TEX36: variants seen among roughly 807,000 people sequenced by gnomAD.
The protein encoded by TEX36 is testis-expressed protein 36.
A neutral mutation model predicts 13.6 loss-of-function variants in TEX36; 12 were observed. That is an observed-to-expected ratio of 0.88 (90% CI 0.56 to 1.43). The LOEUF (loss-of-function observed/expected upper bound fraction) is 1.43, where lower values mean the gene tolerates loss of function less well. Among genes scored for constraint, TEX36 ranks in the 40% most tolerant of loss-of-function variants. The pLI is 0.00. For missense variants in TEX36, 224 were observed against 228.3 expected, an observed-to-expected ratio of 0.98 and a Z score of 0.12; for synonymous variants, 93 against 83.0, an observed-to-expected ratio of 1.12 and a Z score of -0.65.
At position 125,601,624 on chromosome 10, in the gene TEX36, G is replaced by A. The variant is rs117750661; in HGVS notation, c.265-24750C>T. ...GCCAGCTTGGTTTAGAAAGTTTGGGGAGAAGATGGTGCACACTGCTTCCAG... is the reference window on the plus strand; with the variant it reads ...GCCAGCTTGGTTTAGAAAGTTTGGGAAGAAGATGGTGCACACTGCTTCCAG... On this transcript the variant is annotated intron_variant, in intron 3 of 3. Coordinates refer to the TEX36 transcript ENST00000532135. Among the ~76,000 whole-genome samples, 193 of 152,372 alleles carry A rather than the reference G, an allele frequency of 1.3e-3. 2 individuals are homozygous for A. The East Asian group carries it at 0.034, about 27-fold the overall frequency.
At chr10:125,648,232 C>T (rs1345625052) in intron 3 of TEX36, among the ~76,000 whole-genome samples, 1 of 152,206 alleles carries the variant, frequency 6.6e-6, no homozygotes, top group Non-Finnish European at 1.5e-5. Flanking sequence ...CCCTGAGTAG[C>T]CTCACTGGGA....
chr10:125,638,592 CA>C (rs966833045), intron 3 of TEX36, among the ~76,000 whole-genome samples: 7 of 151,866 alleles, frequency 4.6e-5, no homozygotes, highest in African/African-American at 9.7e-5. Context: ...AACAAACAAA[CA>C]AAAAAAAATT....
intron 1 of TEX36, among the ~76,000 whole-genome samples, chr10:125,682,210 G>T (rs1847407343): frequency 6.6e-6 from 1 of 152,160 alleles, no homozygotes; most frequent in South Asian, 2.1e-4. Context: ...GGAGAGAAGT[G>T]CTTGGCCGAC....
At chr10:125,589,856 T>C (rs1393852425) in intron 3 of TEX36, among the ~76,000 whole-genome samples, 7 of 152,310 alleles carry the variant, frequency 4.6e-5, no homozygotes, top group African/African-American at 1.7e-4. Flanking sequence ...GATGAAGAAA[T>C]ATGATTCAGT....
At chr10:125,594,830 T>A (rs561713943) in intron 3 of TEX36, among the ~76,000 whole-genome samples, 21 of 152,216 alleles carry the variant, frequency 1.4e-4, no homozygotes, top group South Asian at 6.2e-4. Flanking sequence ...GAAAGCTGAA[T>A]GAAGAAAAGT....
chr10:125,601,835 G>C (rs910589709), intron 3 of TEX36, among the ~76,000 whole-genome samples: 1 of 152,222 alleles, frequency 6.6e-6, no homozygotes, highest in African/African-American at 2.4e-5. Flanking sequence ...CTGCTAACCA[G>C]TTGGAGGGAG....
chr10:125,611,109 A>G (rs1365904979), intron 3 of TEX36, among the ~76,000 whole-genome samples: 1 of 152,200 alleles, frequency 6.6e-6, no homozygotes, highest in African/African-American at 2.4e-5. Context: ...ATGGCTGCCT[A>G]GTATTCTGCC....
chr10:125,626,540 T>C (rs966137792), intron 3 of TEX36, among the ~76,000 whole-genome samples: 2 of 152,188 alleles, frequency 1.3e-5, no homozygotes, highest in Non-Finnish European at 2.9e-5. Context: ...GAAGTGAAGA[T>C]ATAATGAAGA....
chr10:125,576,672 C>T (rs1845827814), exon 4 of TEX36: 5 of 1,505,028 alleles, frequency 3.3e-6, no homozygotes, highest in East Asian at 2.5e-5. Flanking sequence ...ACAAAAGGTC[C>T]TTTTCTTCCC....
chr10:125,668,169 G>T (rs1565189785), intron 1 of TEX36, among the ~76,000 whole-genome samples: 1 of 152,092 alleles, frequency 6.6e-6, no homozygotes, highest in African/African-American at 2.4e-5. Context: ...GTGTGATGCT[G>T]GTTGGCCTCA....
chr10:125,616,352 T>C (rs1846358587), intron 3 of TEX36, among the ~76,000 whole-genome samples: 2 of 146,858 alleles, frequency 1.4e-5, no homozygotes, highest in Non-Finnish European at 3.0e-5. Context: ...GCTCTTGCTT[T>C]TCTAGTTCTT....
At position 125,642,097 on chromosome 10, in the gene TEX36, C is replaced by G. The variant is rs73377635; in HGVS notation, c.264+18924G>C. Reference sequence around the variant, plus strand: ...CCCATAAGTGGAATTATGTGTCACTCCTGTTAGAGACTGTTGGTGTTTGGG... The same window carrying G: ...CCCATAAGTGGAATTATGTGTCACTGCTGTTAGAGACTGTTGGTGTTTGGG... On this transcript the variant is annotated intron_variant, in intron 3 of 3. Coordinates refer to the TEX36 transcript ENST00000526819. Among the ~76,000 whole-genome samples the G allele has an allele frequency of 3.2e-3, 485 of 152,204 alleles. 3 individuals carry two copies. The highest frequency in any genetic ancestry group is 0.011 in the African/African-American group (457 of 41,516).
chr10:125,584,403 C>A (rs1434957764), intron 3 of TEX36, among the ~76,000 whole-genome samples: 1 of 152,186 alleles, frequency 6.6e-6, no homozygotes, highest in African/African-American at 2.4e-5. Context: ...TAAAAATAAT[C>A]CTCGTAATCC....
At chr10:125,587,070 A>G (rs914707203) in intron 3 of TEX36, among the ~76,000 whole-genome samples, 4 of 152,166 alleles carry the variant, frequency 2.6e-5, no homozygotes, top group African/African-American at 9.7e-5. Flanking sequence ...TTTGCCTTCC[A>G]TCACGATTGT....
At chr10:125,604,080 G>A (rs1225432055) in intron 3 of TEX36, among the ~76,000 whole-genome samples, 3 of 152,088 alleles carry the variant, frequency 2.0e-5, no homozygotes, top group African/African-American at 4.8e-5. Flanking sequence ...TTGATAAGTC[G>A]GGGAGGAGTC....
chr10:125,582,494 G>T (rs950761704), intron 3 of TEX36, among the ~76,000 whole-genome samples: 1 of 152,174 alleles, frequency 6.6e-6, no homozygotes, highest in Non-Finnish European at 1.5e-5. Flanking sequence ...CTTTAAGTTT[G>T]GTTCTTCCAT....
At chr10:125,597,847 G>A (rs1332050699) in intron 3 of TEX36, among the ~76,000 whole-genome samples, 4 of 152,224 alleles carry the variant, frequency 2.6e-5, no homozygotes, top group East Asian at 3.8e-4. Flanking sequence ...ACAACTCAAG[G>A]ACATATGCTA....
chr10:125,661,839 GACTC>G lies in TEX36; in HGVS notation c.183+3_183+6del. 2 of 1,551,756 alleles carry G rather than the reference GACTC, an allele frequency of 1.3e-6. No homozygotes were observed. The highest frequency in any genetic ancestry group is 1.7e-6 in the Non-Finnish European group (2 of 1,146,994). On this transcript the variant is annotated splice_donor_5th_base_variant and intron_variant, in intron 2 of 3. Coordinates refer to ENST00000368821, the MANE Select transcript of TEX36 (RefSeq NM_001128202.3). ...GCACATGGCAGTGGCCAGTGTTCAG[GACTC>G]ACCTTCTCCCGGACTTTGTATATGG... is the stretch of plus-strand genomic sequence containing the variant.
chr10:125,602,345 C>T (rs1037266491), intron 3 of TEX36, among the ~76,000 whole-genome samples: 9 of 152,126 alleles, frequency 5.9e-5, no homozygotes, highest in African/African-American at 1.9e-4. Context: ...GATGGGAAAG[C>T]GCTTTTCATC....
Sources: gnomAD v4.1 joint callset for allele counts (sites outside exome capture counted in the v4.1 genomes callset) on GRCh38, gnomAD v4.1.1 for gene constraint, MANE v1.5 for transcripts, NCBI Gene and HGNC (gene_info 2026-07-23, HGNC 2026-07-21) for gene names.